The following NLRP8 variants were observed in gnomAD, a reference collection of about 807,000 sequenced individuals.
The protein encoded by NLRP8 is NACHT, LRR and PYD domains-containing protein 8.
Under a neutral mutation model 88.7 loss-of-function variants are expected in NLRP8, and 86 were observed. That is an observed-to-expected ratio of 0.97 (90% CI 0.81 to 1.16). The LOEUF (loss-of-function observed/expected upper bound fraction) is 1.16, where lower values mean the gene tolerates loss of function less well. Among genes scored for constraint, NLRP8 ranks in the 50% most tolerant of loss-of-function variants. NLRP8 has a pLI of 0.00. For synonymous variants in NLRP8, 504 were observed against 494.6 expected (o/e 1.02, Z -0.25); for missense variants, 1,342 against 1,286.5 (o/e 1.04, Z -0.66).
intron 8 of NLRP8, 131 bp downstream of exon 8, chr19:55,976,434 C>T (rs999806316): frequency 1.5e-5 from 12 of 780,054 alleles, no homozygotes; most frequent in Non-Finnish European, 2.2e-5. Flanking sequence ...AATTGGAGAA[C>T]TGGGAAGCTT....
At chr19:55,970,402 AGG>A (rs1234820394) in intron 5 of NLRP8, 140 bp from the exon 6 acceptor site, 1 of 885,894 alleles carries the variant, frequency 1.1e-6, no homozygotes, top group Non-Finnish European at 1.7e-6. Flanking sequence ...AGCTTGGTGC[AGG>A]TGTGCTGGCC....
rs369447120 is a variant in NLRP8 at position 55,987,938 on chromosome 19, G to T, written c.*25G>T. On this transcript the variant is annotated 3_prime_UTR_variant, in exon 10 of 10. Transcript: ENST00000291971. Reference sequence around the variant, plus strand: ...GGCCGTCCAGTCATCTTTCTCTGGGGCTTGATTGATCAGTTCCCACTCTGA... The same window carrying T: ...GGCCGTCCAGTCATCTTTCTCTGGGTCTTGATTGATCAGTTCCCACTCTGA... The T allele has an allele frequency of 6.4e-7, 1 of 1,551,232 alleles. No individual in the cohort carries two copies. The highest frequency in any genetic ancestry group is 8.9e-7 in the Non-Finnish European group (1 of 1,122,828).
intron 3 of NLRP8, among the ~76,000 whole-genome samples, chr19:55,960,802 A>AT (rs1257412170): frequency 6.6e-6 from 1 of 151,454 alleles, no homozygotes; most frequent in African/African-American, 2.4e-5. Context: ...TATACATGCC[A>AT]TTTTCAATGA....
intron 6 of NLRP8, among the ~76,000 whole-genome samples, chr19:55,972,385 G>A (rs1980113950): frequency 6.6e-6 from 1 of 151,668 alleles, no homozygotes; most frequent in Non-Finnish European, 1.5e-5. Context: ...AAAGTGCTGG[G>A]ATTACAGATG....
intron 9 of NLRP8, among the ~76,000 whole-genome samples, chr19:55,982,141 A>G (rs1479567288): frequency 6.6e-6 from 1 of 152,032 alleles, no homozygotes; most frequent in Non-Finnish European, 1.5e-5. Flanking sequence ...TGACCTCGTG[A>G]TTTGCCTGCC....
At chr19:55,976,855 C>T (rs903384803) in intron 8 of NLRP8, among the ~76,000 whole-genome samples, 6 of 148,304 alleles carry the variant, frequency 4.0e-5, no homozygotes, top group Non-Finnish European at 7.4e-5. Flanking sequence ...TGAGGTGGGG[C>T]GGATCATGAG....
chr19:55,955,918 C>G lies in NLRP8; in HGVS notation c.1860C>G (p.Ala620=). 6.2e-7 allele frequency: 1 copy of G among 1,614,172 alleles called. No individual in the cohort carries two copies. The highest frequency in any genetic ancestry group is 8.5e-7 in the Non-Finnish European group (1 of 1,180,022). The change falls in exon 3 of 10, where the codon GCC becomes GCG. Residue 620 remains alanine (A), a synonymous_variant. Transcript: ENST00000291971. ...GTCTGCATGAAATCCGGGAGGAAGCCTTTGTAAGCCAAGCCCTAAATGATT... is the reference window on the plus strand; with the variant it reads ...GTCTGCATGAAATCCGGGAGGAAGCGTTTGTAAGCCAAGCCCTAAATGATT...
intron 8 of NLRP8, among the ~76,000 whole-genome samples, chr19:55,977,998 G>A (rs1410379017): frequency 6.6e-6 from 1 of 152,036 alleles, no homozygotes; most frequent in East Asian, 1.9e-4. Flanking sequence ...ATATTTTCAG[G>A]TAGAAAAGAA....
At chr19:55,964,123 G>A (rs1979733665) in intron 4 of NLRP8, among the ~76,000 whole-genome samples, 1 of 152,098 alleles carries the variant, frequency 6.6e-6, no homozygotes, top group Non-Finnish European at 1.5e-5. Context: ...GTGAACCACT[G>A]GCCCCTTCCT....
At chr19:55,971,577 G>A (rs755722760) in intron 6 of NLRP8, among the ~76,000 whole-genome samples, 33 of 151,584 alleles carry the variant, frequency 2.2e-4, no homozygotes, top group South Asian at 2.1e-4. Flanking sequence ...ATATTGATAC[G>A]AAGATCCAAG....
chr19:55,954,939 C>T lies in NLRP8; in HGVS notation c.881C>T (p.Thr294Ile), dbSNP rs1416677597. 1.9e-6 allele frequency: 3 copies of T among 1,614,134 alleles called. No individual in the cohort carries two copies. Among genetic ancestry groups the T allele is most frequent in the Non-Finnish European group, 1.7e-6 (2 of 1,180,032 alleles). Residue 294 changes from threonine to isoleucine, a missense_variant, in exon 3 of 10, where the codon ACC becomes ATC. By Grantham distance (89) the Thr-to-Ile change is moderately conservative. Transcript: ENST00000291971. ...GATGGCTTTGAGGAGCTCACATCTA[C>T]CCTCATTGACAGACTGGAGGACCTG...
intron 3 of NLRP8, among the ~76,000 whole-genome samples, chr19:55,957,673 TTATATATATATATATATATATATA>T (rs10523999): frequency 7.1e-4 from 22 of 31,204 alleles, no homozygotes; most frequent in Admixed American, 3.5e-3. Flanking sequence ...AAAATAATAA[TTATATATATATATATATATATATA>T]TATATATATA....
At position 55,979,470 on chromosome 19, in the gene NLRP8, C is replaced by T. The variant is rs145600570; in HGVS notation, c.2953C>T (p.His985Tyr). Residue 985 changes from histidine (H) to tyrosine (Y), a missense_variant, in exon 9 of 10, where the codon CAT becomes TAT. Coordinates refer to ENST00000291971, the MANE Select transcript of NLRP8 (RefSeq NM_176811.2). ...GCTCCGCAAAAACCAACATCTGAGA[C>T]ATCTGGACTTGAGCAAGAATGCGAT... The T allele has an allele frequency of 6.8e-5, 110 of 1,614,110 alleles. No homozygotes were observed. Among genetic ancestry groups the T allele is most frequent in the Non-Finnish European group, 9.0e-5 (106 of 1,180,034 alleles).
In NLRP8 at chr19:55,947,949, C is replaced by G. The variant is rs767885190; in HGVS notation, c.47C>G (p.Ser16Cys). 1 of 1,613,950 alleles carries G rather than the reference C, an allele frequency of 6.2e-7. No individual in the cohort carries two copies. The highest frequency in any genetic ancestry group is 1.7e-5 in the Admixed American group (1 of 60,000). ...TCTGACACCCCCATTCCCTTTTCAT[C>G]CTCCTCCACTCACAGTTCTCATATT... The change falls in exon 1 of 10, where the codon TCC (serine) becomes TGC (cysteine). Residue 16 changes from serine (S) to cysteine (C), a missense_variant. By Grantham distance (112) the Ser-to-Cys change is moderately radical (BLOSUM62 -1). Coordinates refer to ENST00000291971, the MANE Select transcript of NLRP8 (RefSeq NM_176811.2).
Position 55,970,560 on chromosome 19 carries a change from G to A in NLRP8, c.2398G>A (p.Ala800Thr). Residue 800 changes from alanine (A) to threonine (T), a missense_variant, in exon 6 of 10, where the codon GCC (alanine) becomes ACC (threonine). Ala to Thr is a moderately conservative substitution (Grantham distance 58, BLOSUM62 0). Transcript: ENST00000291971. ...CTTCTACAGGTTGGAAGACTGCTTG[G>A]CCACCCCTAGAATTTGGACTGATCT... 6.2e-7 allele frequency: 1 copy of A among 1,614,042 alleles called. No individual in the cohort carries two copies. The highest frequency in any genetic ancestry group is 8.5e-7 in the Non-Finnish European group (1 of 1,179,988).
chr19:55,960,860 C>T (rs1979576889), intron 3 of NLRP8, among the ~76,000 whole-genome samples: 1 of 151,266 alleles, frequency 6.6e-6, no homozygotes, highest in African/African-American at 2.4e-5. Flanking sequence ...AACTATTTCC[C>T]CCTTGACATA....
rs186059617 is a variant in NLRP8 at position 55,979,321 on chromosome 19, C to G, written c.2877-73C>G. 5.9e-6 allele frequency: 9 copies of G among 1,532,664 alleles called. No homozygotes were observed. The Admixed American group carries it at 1.6e-4, about 27-fold the overall frequency. The allele number at this position is 1,532,664 out of a possible 1,614,324, so 94.9% of individuals were successfully genotyped here. ...TCAGTGTGATTTCTTGGCTGTAAGC[C>G]GTCACACCGGCTGAGCTCTCAGATG... On this transcript the variant is annotated intron_variant, in intron 8 of 9. Transcript: ENST00000291971.
intron 9 of NLRP8, among the ~76,000 whole-genome samples, chr19:55,984,726 C>A (rs1252099847): frequency 6.6e-6 from 1 of 151,252 alleles, no homozygotes; most frequent in Admixed American, 6.6e-5. Context: ...AATCCCACCC[C>A]TTTGGGAGGC....
rs188557862 is a variant in NLRP8, at chr19:55,947,837, G to C, written c.-66G>C. 9.2e-6 allele frequency: 14 copies of C among 1,516,358 alleles called. No homozygotes were observed. Among genetic ancestry groups the C allele is most frequent in the Admixed American group, 4.0e-5 (2 of 49,496 alleles). The allele number at this position is 1,516,358 out of a possible 1,614,324, so 93.9% of individuals were successfully genotyped here. On this transcript the variant is annotated 5_prime_UTR_variant, in exon 1 of 10. Coordinates refer to ENST00000291971, the MANE Select transcript of NLRP8 (RefSeq NM_176811.2). ...ATTGTTTTATGTCTCTGCAGGTCTC[G>C]TGTTTCTCTCTTCCAATCGGTTGTC...
Sources: gnomAD v4.1 joint callset for allele counts (sites outside exome capture counted in the v4.1 genomes callset) on GRCh38, gnomAD v4.1.1 for gene constraint, MANE v1.5 for transcripts, NCBI Gene and HGNC (gene_info 2026-07-23, HGNC 2026-07-21) for gene names.